UTRN: variants seen among roughly 807,000 people sequenced by gnomAD.
UTRN encodes the protein dystrophin-related protein 1.
In UTRN, 283 loss-of-function variants were observed where a neutral mutation model predicts 463.9. The ratio of observed to expected loss-of-function variants is 0.61; its 90% CI spans 0.55 to 0.67. UTRN has a LOEUF of 0.67. Among genes scored for constraint, UTRN ranks in the 30% least tolerant of loss-of-function variants. The probability of loss-of-function intolerance (pLI) is 0.00; values close to 1 mark genes in which losing one functional copy is unlikely to be tolerated. For missense variants in UTRN, 3,922 were observed against 4,084.3 expected (o/e 0.96, Z 1.08); for synonymous variants, 1,442 against 1,431.5 (o/e 1.01, Z -0.17).
In UTRN at chr6:144,528,032, ATTTT is replaced by A. The variant is rs201546711; in HGVS notation, c.5907-3002_5907-2999del. Among the ~76,000 whole-genome samples, 564 of 112,098 alleles carry A rather than the reference ATTTT, an allele frequency of 5.0e-3. 2 individuals are homozygous for A. Among genetic ancestry groups the A allele is most frequent in the Non-Finnish European group, 8.6e-3 (479 of 55,750 alleles). The allele number at this position is 112,098 out of a possible 152,430, so 73.5% of individuals were successfully genotyped here. On this transcript the variant is annotated intron_variant, in intron 41 of 74. Coordinates refer to ENST00000367545, the MANE Select transcript of UTRN (RefSeq NM_007124.3). ...GATCCATTGCTGGTAAGCTAGTGTG[ATTTT>A]TTTTTTTTTTTTTTTTTGAGATGGA...
chr6:144,700,038 AT>A (rs769984877), intron 52 of UTRN, 48 bp from the exon 53 acceptor site: 110 of 1,514,812 alleles, frequency 7.3e-5, no homozygotes. Context: ...TGTGAATGTA[AT>A]TTGCATTTCT....
At chr6:144,526,612 G>T (rs1265445301) in intron 41 of UTRN, among the ~76,000 whole-genome samples, 1 of 151,892 alleles carries the variant, frequency 6.6e-6, no homozygotes, top group Non-Finnish European at 1.5e-5. Flanking sequence ...GCAGTTACTT[G>T]GTTGGTGAAT....
At chr6:144,400,951 T>C (rs1782887062) in intron 2 of UTRN, among the ~76,000 whole-genome samples, 1 of 152,230 alleles carries the variant, frequency 6.6e-6, no homozygotes, top group Non-Finnish European at 1.5e-5. Flanking sequence ...TTATCATTGA[T>C]AGGGTAATAG....
intron 51 of UTRN, chr6:144,583,232 T>C (rs1295196414): frequency 5.5e-6 from 2 of 360,600 alleles, no homozygotes; most frequent in Non-Finnish European, 9.9e-6. Context: ...TTTCTGGCCA[T>C]GCCGGGCTGA....
chr6:144,557,201 G>A lies in UTRN; in HGVS notation c.7179G>A (p.Ala2393=), dbSNP rs2293536. The A allele has an allele frequency of 6.9e-5, 111 of 1,613,728 alleles. 1 individual carries two copies. In the East Asian group the frequency reaches 1.2e-3, roughly 17 times the overall value. Residue 2393 remains alanine, a synonymous_variant, in exon 50 of 75, where the codon GCG becomes GCA. Coordinates refer to ENST00000367545, the MANE Select transcript of UTRN (RefSeq NM_007124.3). ...GTCCTGGAGATGGTATCGTCATGGC[G>A]TTCGATAACGTCCTGCAGAAACTCC... ...ELGPGDGIVM[A]FDNVLQKLLE...
At chr6:144,383,022 C>G (rs1055831229) in intron 2 of UTRN, among the ~76,000 whole-genome samples, 2 of 152,194 alleles carry the variant, frequency 1.3e-5, no homozygotes, top group African/African-American at 2.4e-5. Flanking sequence ...GCCTCGAACT[C>G]TTGGGTTCAA....
rs771674423 is a variant in UTRN at position 144,435,968 on chromosome 6, C to A, written c.889C>A (p.Arg297=). The A allele has an allele frequency of 6.2e-7, 1 of 1,613,998 alleles. No homozygotes were observed. The highest frequency in any genetic ancestry group is 2.2e-5 in the East Asian group (1 of 44,890). The stretch of plus-strand genomic sequence containing the variant: ...GCCTGAGGAGGAGCATGAGAGTCCC[C>A]GAGCTGAAACTCCCAGCACTGTCAC... ...TAPEEEHESP[R]AETPSTVTEV... Residue 297 remains arginine, a synonymous_variant, in exon 10 of 75, where the codon CGA becomes AGA. Coordinates refer to ENST00000367545, the MANE Select transcript of UTRN (RefSeq NM_007124.3).
intron 50 of UTRN, among the ~76,000 whole-genome samples, chr6:144,571,307 T>C (rs1013217035): frequency 1.3e-5 from 2 of 152,210 alleles, no homozygotes; most frequent in African/African-American, 4.8e-5. Flanking sequence ...ACTCAAATTC[T>C]AGTGGGTAAC....
intron 2 of UTRN, among the ~76,000 whole-genome samples, chr6:144,312,345 A>G (rs899011482): frequency 6.6e-6 from 1 of 150,730 alleles, no homozygotes; most frequent in Non-Finnish European, 1.5e-5. Flanking sequence ...AATGGTGTGA[A>G]CCCAGGAGGC....
chr6:144,352,694 G>A (rs1248905750), intron 2 of UTRN, among the ~76,000 whole-genome samples: 4 of 152,120 alleles, frequency 2.6e-5, no homozygotes, highest in African/African-American at 9.7e-5. Context: ...GCCTTACGCT[G>A]CAACATTTCT....
chr6:144,496,316 C>T (rs565145675), intron 33 of UTRN, among the ~76,000 whole-genome samples: 11 of 152,220 alleles, frequency 7.2e-5, no homozygotes, highest in Admixed American at 2.6e-4. Flanking sequence ...GAAATCAGAA[C>T]GACCAGTTTA....
chr6:144,781,025 G>A (rs1004803484), intron 60 of UTRN, among the ~76,000 whole-genome samples: 32 of 152,056 alleles, frequency 2.1e-4, no homozygotes, highest in African/African-American at 7.3e-4. Context: ...CCTCTCATAG[G>A]GCATGTTTAC....
intron 51 of UTRN, among the ~76,000 whole-genome samples, chr6:144,625,454 G>A (rs2128650412): frequency 6.6e-6 from 1 of 152,250 alleles, no homozygotes; most frequent in Non-Finnish European, 1.5e-5. Context: ...TAACTTACCT[G>A]CGACTTCTTG....
chr6:144,575,873 C>A (rs990041947), intron 50 of UTRN, among the ~76,000 whole-genome samples: 1 of 152,104 alleles, frequency 6.6e-6, no homozygotes, highest in African/African-American at 2.4e-5. Context: ...AATTTATCAT[C>A]CTCCAAAGAA....
chr6:144,592,618 C>T (rs1033147648), intron 51 of UTRN, among the ~76,000 whole-genome samples: 1 of 152,170 alleles, frequency 6.6e-6, no homozygotes, highest in Non-Finnish European at 1.5e-5. Flanking sequence ...ATCCCCCTGC[C>T]TCAGCCTCCT....
intron 17 of UTRN, among the ~76,000 whole-genome samples, chr6:144,451,066 C>A (rs1037512245): frequency 6.6e-6 from 1 of 152,118 alleles, no homozygotes; most frequent in African/African-American, 2.4e-5. Flanking sequence ...GAGCCGAGAT[C>A]GTGCCATTGC....
chr6:144,442,623 AG>A (rs57911074), intron 13 of UTRN, among the ~76,000 whole-genome samples: 17,113 of 152,106 alleles, frequency 0.11, 2,308 homozygotes, highest in African/African-American at 0.32. Context: ...AAAGAGAGAG[AG>A]CTTGTGCAGG....
At position 144,600,795 on chromosome 6, in the gene UTRN, A is replaced by G. The variant is rs995372954; in HGVS notation, c.7479+23507A>G. Among the ~76,000 whole-genome samples, 6 of 152,360 alleles carry G rather than the reference A, an allele frequency of 3.9e-5. No individual in the cohort carries two copies. In the East Asian group the frequency reaches 7.7e-4, roughly 20 times the overall value. On this transcript the variant is annotated intron_variant, in intron 51 of 74. Transcript: ENST00000367545. ...AGATGAAACAGCAGCTTTCAATTAG[A>G]TGTCATCTGGCACTTTCATAGCTAG... is the stretch of plus-strand genomic sequence containing the variant.
At chr6:144,633,348 G>C (rs1367565175) in intron 51 of UTRN, among the ~76,000 whole-genome samples, 1 of 151,236 alleles carries the variant, frequency 6.6e-6, no homozygotes, top group Non-Finnish European at 1.5e-5. Context: ...TCCTGCCTCA[G>C]CCTCCTGAGT....
Sources: gnomAD v4.1 joint callset for allele counts (sites outside exome capture counted in the v4.1 genomes callset) on GRCh38, gnomAD v4.1.1 for gene constraint, MANE v1.5 for transcripts, NCBI Gene and HGNC (gene_info 2026-07-23, HGNC 2026-07-21) for gene names.